TLX3: variants seen among roughly 807,000 people sequenced by gnomAD.
The protein encoded by TLX3 is T cell leukemia homeobox 3.
A neutral mutation model predicts 19.6 loss-of-function variants in TLX3; 11 were observed. The observed-to-expected ratio is 0.56, with a 90% CI of 0.35 to 0.93. The LOEUF (loss-of-function observed/expected upper bound fraction) is 0.93. TLX3 is among the 40% of genes least tolerant of loss of function. TLX3 has a pLI of 0.01. For synonymous variants in TLX3, 221 were observed against 188.1 expected (o/e 1.17, Z -1.43); for missense variants, 375 against 418.6 (o/e 0.90, Z 0.91).
chr5:171,310,429 C>A, intron 2 of TLX3, 36 bp downstream of exon 2: 2 of 1,601,926 alleles, frequency 1.2e-6, no homozygotes, highest in East Asian at 2.2e-5. Context: ...CTTACACCTG[C>A]CCTTCACCTG....
In TLX3 at chr5:171,309,432, A is replaced by T. The variant is rs1310497135; in HGVS notation, c.67A>T (p.Ile23Phe). Residue 23 changes from isoleucine to phenylalanine, a missense_variant, in exon 1 of 3, where the codon ATC becomes TTC. By Grantham distance (21) the Ile-to-Phe change is conservative. Coordinates refer to ENST00000296921, the MANE Select transcript of TLX3 (RefSeq NM_021025.4). The stretch of plus-strand genomic sequence containing the variant: ...GCCCATCAGCTTCGGCATCGACCAG[A>T]TCCTTAACAGCCCGGACCAGGACAG... ...HEPISFGIDQ[I>F]LNSPDQDSAP... 6.2e-7 allele frequency: 1 copy of T among 1,606,474 alleles called. No individual in the cohort carries two copies. Among genetic ancestry groups the T allele is most frequent in the Non-Finnish European group, 8.5e-7 (1 of 1,177,150 alleles).
chr5:171,310,570 G>C (rs999776966), intron 2 of TLX3, among the ~76,000 whole-genome samples, 177 bp downstream of exon 2: 1 of 136,094 alleles, frequency 7.3e-6, no homozygotes, highest in African/African-American at 2.8e-5. Flanking sequence ...CACCCTTCTC[G>C]CTGGCCTGTG....
Position 171,311,367 on chromosome 5 carries a change from C to T in TLX3, c.666-22C>T, listed in dbSNP as rs750431646. The T allele has an allele frequency of 3.2e-6, 5 of 1,546,938 alleles. No individual in the cohort carries two copies. In the South Asian group the frequency reaches 6.0e-5, roughly 18 times the overall value. ...GGTGCCGGGTGCATGACGGTACTGTCCCTCTCCCTCCCCCGGTGCAGGCGG... is the reference window on the plus strand; with the variant it reads ...GGTGCCGGGTGCATGACGGTACTGTTCCTCTCCCTCCCCCGGTGCAGGCGG... On this transcript the variant is annotated intron_variant, in intron 2 of 2. Transcript: ENST00000296921. The surrounding 1 kb of genome is among the most constrained non-coding windows in gnomAD (Gnocchi z 5.1).
intron 1 of TLX3, 110 bp downstream of exon 1, chr5:171,309,896 G>A: frequency 7.2e-7 from 1 of 1,393,882 alleles, no homozygotes; most frequent in Non-Finnish European, 9.4e-7. Context: ...AAGCGCGGCG[G>A]AGGCCTCGGC....
Position 171,310,308 on chromosome 5 carries a change from G to C in TLX3, c.580G>C (p.Ala194Pro), listed in dbSNP as rs1769199022. Reference sequence around the variant, plus strand: ...CCATCGCCAGAAGTACCTGGCCTCTGCCGAGAGGGCGGCGCTCGCCAAGTC... The same window carrying C: ...CCATCGCCAGAAGTACCTGGCCTCTCCCGAGAGGGCGGCGCTCGCCAAGTC... ...RFHRQKYLAS[A>P]ERAALAKSLK... The change falls in exon 2 of 3, where the codon GCC becomes CCC. Residue 194 changes from alanine (A) to proline (P), a missense_variant. By Grantham distance (27) the Ala-to-Pro change is conservative (BLOSUM62 -1). Coordinates refer to ENST00000296921, the MANE Select transcript of TLX3 (RefSeq NM_021025.4). 6.2e-7 allele frequency: 1 copy of C among 1,606,778 alleles called. No individual in the cohort carries two copies. Among genetic ancestry groups the C allele is most frequent in the Non-Finnish European group, 8.5e-7 (1 of 1,176,842 alleles).
chr5:171,311,736 C>T lies in TLX3; in HGVS notation c.*137C>T. 1 of 601,126 alleles carries T rather than the reference C, an allele frequency of 1.7e-6. No individual in the cohort carries two copies. The highest frequency in any genetic ancestry group is 2.6e-5 in the South Asian group (1 of 39,192). 37.2% of individuals were successfully genotyped at this position (601,126 alleles called of 1,614,324 possible). A position where few individuals can be genotyped will look rare whatever the true frequency, so the allele number is the denominator to read the frequency against. Reference sequence around the variant, plus strand: ...AGCCCGAGTAGGCCCCAGGGCGCGGCCACAGACTGGCGGGCCGCGGAAGGG... The same window carrying T: ...AGCCCGAGTAGGCCCCAGGGCGCGGTCACAGACTGGCGGGCCGCGGAAGGG... On this transcript the variant is annotated 3_prime_UTR_variant, in exon 3 of 3. Coordinates refer to ENST00000296921, the MANE Select transcript of TLX3 (RefSeq NM_021025.4). The surrounding 1 kb of genome is among the most constrained non-coding windows in gnomAD (Gnocchi z 5.1).
Position 171,309,340 on chromosome 5 carries a change from C to CCCCCCCCCCCCCCA in TLX3, c.-26_-25insCCCCCCCCCCCCCA. 5.1e-5 allele frequency: 70 copies of CCCCCCCCCCCCCCA among 1,373,300 alleles called. No individual in the cohort carries two copies. The highest frequency in any genetic ancestry group is 6.0e-5 in the Non-Finnish European group (60 of 1,004,464). The allele number at this position is 1,373,300 out of a possible 1,614,324, so 85.1% of individuals were successfully genotyped here. On this transcript the variant is annotated 5_prime_UTR_variant, in exon 1 of 3. Coordinates refer to ENST00000296921, the MANE Select transcript of TLX3 (RefSeq NM_021025.4). ...GACCCAGCCGCCTCCCCGCCCAGCCCAGCCCAGCCCTTCCGCCCGCCCAGG... is the reference window on the plus strand; with the variant it reads ...GACCCAGCCGCCTCCCCGCCCAGCCCCCCCCCCCCCCCCAAGCCCAGCCCTTCCGCCCGCCCAGG...
chr5:171,309,346 A>ACCCC lies in TLX3; in HGVS notation c.-20_-19insCCCC. On this transcript the variant is annotated 5_prime_UTR_variant, in exon 1 of 3. Coordinates refer to ENST00000296921, the MANE Select transcript of TLX3 (RefSeq NM_021025.4). ...GCCGCCTCCCCGCCCAGCCCAGCCC[A>ACCCC]GCCCTTCCGCCCGCCCAGGATGGAG... 2.0e-6 allele frequency: 1 copy of ACCCC among 511,138 alleles called. No individual in the cohort carries two copies. Among genetic ancestry groups the ACCCC allele is most frequent in the Non-Finnish European group, 3.1e-6 (1 of 318,480 alleles). 31.7% of individuals were successfully genotyped at this position (511,138 alleles called of 1,614,324 possible).
Position 171,310,161 on chromosome 5 carries a change from C to A in TLX3, c.433C>A (p.Leu145Ile), listed in dbSNP as rs1391367978. 6.5e-7 allele frequency: 1 copy of A among 1,550,300 alleles called. No homozygotes were observed. The highest frequency in any genetic ancestry group is 1.2e-5 in the South Asian group (1 of 84,026). The stretch of plus-strand genomic sequence containing the variant: ...CTGTGTCTCCGCAGCGGCGGCCGCA[C>A]TCACGCCCTTCACCGTGACCCGGCG... ...VKDRFTAAAA[L>I]TPFTVTRRIG... Residue 145 changes from leucine to isoleucine, a missense_variant, in exon 2 of 3, where the codon CTC becomes ATC. Transcript: ENST00000296921.
chr5:171,309,269 A>G lies in TLX3; in HGVS notation c.-97A>G. 5.6e-6 allele frequency: 6 copies of G among 1,071,330 alleles called. No individual in the cohort carries two copies. Among genetic ancestry groups the G allele is most frequent in the Non-Finnish European group, 7.6e-6 (6 of 784,400 alleles). 66.4% of individuals were successfully genotyped at this position (1,071,330 alleles called of 1,614,324 possible). On this transcript the variant is annotated 5_prime_UTR_variant, in exon 1 of 3. Coordinates refer to ENST00000296921, the MANE Select transcript of TLX3 (RefSeq NM_021025.4). ...GCCCGCGCACTCTTGGCAAAGTTTCAGTGCGACGAGAGGCGCCGGGCGCTC... is the reference window on the plus strand; with the variant it reads ...GCCCGCGCACTCTTGGCAAAGTTTCGGTGCGACGAGAGGCGCCGGGCGCTC...
rs1430107152 is a variant in TLX3 at position 171,310,303 on chromosome 5, C to T, written c.575C>T (p.Ala192Val). Residue 192 changes from alanine to valine, a missense_variant, in exon 2 of 3, where the codon GCC becomes GTC. Ala to Val is a moderately conservative substitution (Grantham distance 64). Coordinates refer to ENST00000296921, the MANE Select transcript of TLX3 (RefSeq NM_021025.4). ...CGCTTCCATCGCCAGAAGTACCTGG[C>T]CTCTGCCGAGAGGGCGGCGCTCGCC... ...EKRFHRQKYL[A>V]SAERAALAKS... 1 of 1,604,742 alleles carries T rather than the reference C, an allele frequency of 6.2e-7. No individual in the cohort carries two copies. Among genetic ancestry groups the T allele is most frequent in the Admixed American group, 1.7e-5 (1 of 58,876 alleles).
At chr5:171,310,542 G>A in intron 2 of TLX3, 149 bp downstream of exon 2, 2 of 965,086 alleles carry the variant, frequency 2.1e-6, no homozygotes, top group Non-Finnish European at 2.9e-6. Context: ...CGCCTTCGCA[G>A]ATTGTACCTC....
chr5:171,309,666 C>T lies in TLX3; in HGVS notation c.301C>T (p.Pro101Ser). ...GCACAGGCCGCTGCCCGGGGCCGTG[C>T]CACCGCCTCTGCCAAGCGCGCTACC... is the stretch of plus-strand genomic sequence containing the variant. The part of the protein sequence containing the change: ...PAHRPLPGAV[P>S]PPLPSALPAM... The change falls in exon 1 of 3, where the codon CCA (proline) becomes TCA (serine). Residue 101 changes from proline (P) to serine (S), a missense_variant. Physicochemically the swap from Pro to Ser is moderately conservative, Grantham distance 74. Transcript: ENST00000296921. 6.2e-7 allele frequency: 1 copy of T among 1,608,518 alleles called. No homozygotes were observed. Among genetic ancestry groups the T allele is most frequent in the Non-Finnish European group, 8.5e-7 (1 of 1,178,428 alleles).
At chr5:171,310,544 TTG>T in intron 2 of TLX3, 151 bp downstream of exon 2, 1 of 971,770 alleles carries the variant, frequency 1.0e-6, no homozygotes, top group South Asian at 1.7e-5. Context: ...CCTTCGCAGA[TTG>T]TACCTCTTCC....
rs747582655 is a variant in TLX3, at chr5:171,310,280, C to G, written c.552C>G (p.Arg184=). 1.0e-5 allele frequency: 16 copies of G among 1,591,338 alleles called. No individual in the cohort carries two copies. Among genetic ancestry groups the G allele is most frequent in the Non-Finnish European group, 1.4e-5 (16 of 1,169,554 alleles). ...TGCAGATCTGCGAGCTGGAAAAGCG[C>G]TTCCATCGCCAGAAGTACCTGGCCT... is the stretch of plus-strand genomic sequence containing the variant. The part of the protein sequence containing the change: ...SRVQICELEK[R]FHRQKYLASA... The change falls in exon 2 of 3, where the codon CGC becomes CGG. Residue 184 remains arginine, a synonymous_variant. Coordinates refer to ENST00000296921, the MANE Select transcript of TLX3 (RefSeq NM_021025.4).
rs1237639249 is a variant in TLX3 at position 171,309,510 on chromosome 5, G to A, written c.145G>A (p.Gly49Arg). ...DGASYLGGPP[G>R]GRPGATYPSL... ...CGCCAGCTACCTGGGAGGGCCCCCC[G>A]GGGGCCGTCCGGGCGCCACATACCC... The change falls in exon 1 of 3, where the codon GGG (glycine) becomes AGG (arginine). Residue 49 changes from glycine (G) to arginine (R), a missense_variant. Physicochemically the swap from Gly to Arg is moderately radical, Grantham distance 125. This residue lies in a region of TLX3 where 239 missense variants were observed against 217.0 expected (regional missense o/e 1.10). Transcript: ENST00000296921. 1 of 1,568,908 alleles carries A rather than the reference G, an allele frequency of 6.4e-7. No homozygotes were observed. The highest frequency in any genetic ancestry group is 8.6e-7 in the Non-Finnish European group (1 of 1,160,420).
Position 171,309,327 on chromosome 5 carries a change from T to TC in TLX3, c.-35dup. 4 of 976,962 alleles carry TC rather than the reference T, an allele frequency of 4.1e-6. No homozygotes were observed. The highest frequency in any genetic ancestry group is 4.5e-6 in the Non-Finnish European group (3 of 668,404). 60.5% of individuals were successfully genotyped at this position (976,962 alleles called of 1,614,324 possible). On this transcript the variant is annotated 5_prime_UTR_variant, in exon 1 of 3. Coordinates refer to ENST00000296921, the MANE Select transcript of TLX3 (RefSeq NM_021025.4). ...GCGCCGTAACGGGGACCCAGCCGCC[T>TC]CCCCGCCCAGCCCAGCCCAGCCCTT...
At position 171,309,395 on chromosome 5, in the gene TLX3, G is replaced by A. The variant is rs1265959985; in HGVS notation, c.30G>A (p.Pro10=). 2 of 1,340,992 alleles carry A rather than the reference G, an allele frequency of 1.5e-6. No individual in the cohort carries two copies. Among genetic ancestry groups the A allele is most frequent in the East Asian group, 1.0e-4 (2 of 19,388 alleles). 83.1% of individuals were successfully genotyped at this position (1,340,992 alleles called of 1,614,324 possible). ...AGGCGCCCGCCAGCGCGCAGACCCC[G>A]CACCCGCACGAGCCCATCAGCTTCG... MEAPASAQT[P]HPHEPISFGI... Residue 10 remains proline, a synonymous_variant, in exon 1 of 3, where the codon CCG becomes CCA. Transcript: ENST00000296921.
Position 171,311,324 on chromosome 5 carries a change from C to A in TLX3, c.666-65C>A. On this transcript the variant is annotated intron_variant, in intron 2 of 2. Coordinates refer to ENST00000296921, the MANE Select transcript of TLX3 (RefSeq NM_021025.4). This position sits in a 1 kb window ranked among gnomAD's most constrained non-coding sequence, Gnocchi z 5.1. ...GCCTCGGCTCCCGGGAGGGCCGGGG[C>A]CCCGCCGGCGGCCCCGCGGTGCCGG... 2.1e-6 allele frequency: 3 copies of A among 1,452,128 alleles called. No homozygotes were observed. In the South Asian group the frequency reaches 4.1e-5, roughly 20 times the overall value. 90.0% of individuals were successfully genotyped at this position (1,452,128 alleles called of 1,614,324 possible). A position where few individuals can be genotyped will look rare whatever the true frequency, so the allele number is the denominator to read the frequency against.
Sources: allele counts gnomAD v4.1 joint callset (sites outside exome capture counted in the v4.1 genomes callset), GRCh38; gene constraint gnomAD v4.1.1; regional missense constraint gnomAD v4.1.1; non-coding constraint Gnocchi (gnomAD v3.1); transcripts MANE v1.5; gene names NCBI Gene and HGNC (gene_info 2026-07-23, HGNC 2026-07-21).